Variants in RAB6B observed in about 807,000 individuals in gnomAD.
RAB6B encodes the protein ras-related protein Rab-6B.
RAB6B carries 7 observed loss-of-function variants against 31.2 expected under a neutral mutation model. The observed-to-expected ratio is 0.22, with a 90% confidence interval of 0.13 to 0.42. The LOEUF (loss-of-function observed/expected upper bound fraction) is 0.42. Among genes scored for constraint, RAB6B ranks in the 10% least tolerant of loss-of-function variants. The pLI, the probability that RAB6B is intolerant of heterozygous loss-of-function variation, is 1.00. For synonymous variants in RAB6B, 105 were observed against 104.9 expected (o/e 1.00, Z -0.01); for missense variants, 149 against 280.6 (o/e 0.53, Z 3.35).
At chr3:133,880,996 C>T (rs749133212) in intron 1 of RAB6B, among the ~76,000 whole-genome samples, 2 of 152,234 alleles carry the variant, frequency 1.3e-5, no homozygotes, top group Non-Finnish European at 2.9e-5. Context: ...ACAGGACCAC[C>T]AAGCAGGCCA....
At chr3:133,847,973 C>T (rs1407376956) in intron 2 of RAB6B, among the ~76,000 whole-genome samples, 5 of 152,152 alleles carry the variant, frequency 3.3e-5, no homozygotes, top group East Asian at 3.8e-4. Context: ...ATCTCATTTA[C>T]TCTCGATGCT....
rs547784472 is a variant in RAB6B at position 133,859,391 on chromosome 3, G to T, written c.129+5193C>A. Among the ~76,000 whole-genome samples, 8 of 152,282 alleles carry T rather than the reference G, an allele frequency of 5.3e-5. No homozygotes were observed. In the South Asian group the frequency reaches 1.7e-3, roughly 32 times the overall value. On this transcript the variant is annotated intron_variant, in intron 2 of 7. Coordinates refer to ENST00000285208, the MANE Select transcript of RAB6B (RefSeq NM_016577.4). The stretch of plus-strand genomic sequence containing the variant: ...CAGAATCTTGCCGGAAGTCCTACAG[G>T]TGTCTCTTTTCACGCCCCTTTTCTA...
chr3:133,846,157 C>T (rs1935905722), intron 2 of RAB6B, among the ~76,000 whole-genome samples: 1 of 152,074 alleles, frequency 6.6e-6, no homozygotes, highest in South Asian at 2.1e-4. Context: ...ACATAAATGG[C>T]AATTGGAAGC....
intron 2 of RAB6B, 94 bp downstream of exon 2, chr3:133,864,490 C>A: frequency 1.5e-6 from 2 of 1,291,996 alleles, no homozygotes; most frequent in East Asian, 2.3e-5. Flanking sequence ...GCCTGGGAAC[C>A]CAGGGCCATT....
Position 133,828,809 on chromosome 3 carries a change from G to C in RAB6B, c.606C>G (p.Ser202Arg). The change falls in exon 8 of 8, where the codon AGC (serine) becomes AGG (arginine). Residue 202 changes from serine to arginine, a missense_variant. By Grantham distance (110) the Ser-to-Arg change is moderately radical. Coordinates refer to ENST00000285208, the MANE Select transcript of RAB6B (RefSeq NM_016577.4). Reference protein sequence around the residue: ...KLDKPQEPPASEGGCSC With the variant: ...KLDKPQEPPAREGGCSC Reference sequence around the variant, plus strand: ...TGCATTAGCAGGAGCAGCCGCCCTCGCTGGCCGGGGGCTCCTGGGGTTTGT... The same window carrying C: ...TGCATTAGCAGGAGCAGCCGCCCTCCCTGGCCGGGGGCTCCTGGGGTTTGT... 6.2e-7 allele frequency: 1 copy of C among 1,612,882 alleles called. No individual in the cohort carries two copies. The highest frequency in any genetic ancestry group is 1.7e-4 in the Middle Eastern group (1 of 6,058).
intron 1 of RAB6B, among the ~76,000 whole-genome samples, 160 bp downstream of exon 1, chr3:133,895,237 C>A (rs1936691566): frequency 6.6e-6 from 1 of 152,148 alleles, no homozygotes; most frequent in Non-Finnish European, 1.5e-5. Flanking sequence ...TTGGCCCCTC[C>A]CCAGCCCGAC....
intron 1 of RAB6B, among the ~76,000 whole-genome samples, chr3:133,887,393 AGAG>A (rs1936563535): frequency 6.6e-6 from 1 of 152,122 alleles, no homozygotes; most frequent in African/African-American, 2.4e-5. Flanking sequence ...GCCTCCCAGG[AGAG>A]GAGGTGGTAG....
chr3:133,825,060 G>A lies in RAB6B; in HGVS notation c.*3728C>T, dbSNP rs1935536197. The stretch of plus-strand genomic sequence containing the variant: ...ACATTCTTTGGGGAGAGGCAGTTCG[G>A]AAACGAGTGTGCGCACAATCTGCTC... On this transcript the variant is annotated 3_prime_UTR_variant, in exon 8 of 8. Coordinates refer to ENST00000285208, the MANE Select transcript of RAB6B (RefSeq NM_016577.4). The A allele has an allele frequency of 1.3e-5, 2 of 152,082 alleles. No individual in the cohort carries two copies. Among genetic ancestry groups the A allele is most frequent in the Non-Finnish European group, 1.5e-5 (1 of 68,010 alleles). 9.4% of individuals were successfully genotyped at this position (152,082 alleles called of 1,614,324 possible). A position where few individuals can be genotyped will look rare whatever the true frequency, so the allele number is the denominator to read the frequency against.
intron 4 of RAB6B, 96 bp downstream of exon 4, chr3:133,841,189 C>T (rs913091891): frequency 4.9e-5 from 52 of 1,052,474 alleles, no homozygotes; most frequent in Middle Eastern, 2.0e-4. Flanking sequence ...CACACACATG[C>T]GTGTGCACAC....
In RAB6B at chr3:133,895,672, G is replaced by C. The variant is rs1480481785; in HGVS notation, c.-206C>G. 3.4e-6 allele frequency: 2 copies of C among 593,634 alleles called. No homozygotes were observed. Among genetic ancestry groups the C allele is most frequent in the African/African-American group, 3.8e-5 (2 of 52,140 alleles). 36.8% of individuals were successfully genotyped at this position (593,634 alleles called of 1,614,324 possible). A position where few individuals can be genotyped will look rare whatever the true frequency, so the allele number is the denominator to read the frequency against. On this transcript the variant is annotated 5_prime_UTR_variant, in exon 1 of 8. Coordinates refer to ENST00000285208, the MANE Select transcript of RAB6B (RefSeq NM_016577.4). ...GGCGGAGGAGGAGGAGGAGAGAGAG[G>C]CGGAGGCGGAGGAAGGCTGGGGCTG...
chr3:133,894,714 A>C (rs1233031986), intron 1 of RAB6B: 4 of 152,148 alleles, frequency 2.6e-5, no homozygotes. Context: ...CAGCAAGGAG[A>C]CTAACAAGCG....
intron 2 of RAB6B, among the ~76,000 whole-genome samples, chr3:133,841,990 C>T (rs1236773263): frequency 6.6e-6 from 1 of 152,202 alleles, no homozygotes; most frequent in Non-Finnish European, 1.5e-5. Flanking sequence ...CATATCCTGC[C>T]CTCCCCACCT....
intron 1 of RAB6B, among the ~76,000 whole-genome samples, chr3:133,883,648 A>T (rs994990619): frequency 1.3e-5 from 2 of 152,176 alleles, no homozygotes; most frequent in African/African-American, 4.8e-5. Context: ...TTTACTGAAC[A>T]GGGGAAAGAA....
Position 133,834,489 on chromosome 3 carries a change from C to T in RAB6B, c.562+86G>A, listed in dbSNP as rs1385354182. On this transcript the variant is annotated intron_variant, in intron 7 of 7. Transcript: ENST00000285208. ...CAGGGAAGGCTGGGCGGGGACTGGG[C>T]GAGTGTCTGTCCACTGCACTAACAT... is the stretch of plus-strand genomic sequence containing the variant. The T allele has an allele frequency of 2.0e-5, 28 of 1,417,802 alleles. No homozygotes were observed. The South Asian group carries it at 2.5e-4, about 13-fold the overall frequency. The allele number at this position is 1,417,802 out of a possible 1,614,324, so 87.8% of individuals were successfully genotyped here.
chr3:133,840,022 G>T (rs1458981823), intron 4 of RAB6B, among the ~76,000 whole-genome samples: 1 of 152,096 alleles, frequency 6.6e-6, no homozygotes, highest in African/African-American at 2.4e-5. Context: ...GCGCGACTTG[G>T]CAAGTTTGGG....
chr3:133,842,229 C>G (rs1339025587), intron 2 of RAB6B, among the ~76,000 whole-genome samples: 1 of 152,226 alleles, frequency 6.6e-6, no homozygotes, highest in Non-Finnish European at 1.5e-5. Context: ...CCCACTGGCT[C>G]TTTTCTCCCC....
intron 2 of RAB6B, among the ~76,000 whole-genome samples, chr3:133,855,280 C>T (rs1465078579): frequency 6.6e-6 from 1 of 152,260 alleles, no homozygotes; most frequent in Non-Finnish European, 1.5e-5. Flanking sequence ...GCCAGAAGCG[C>T]AGTAATGCGC....
intron 1 of RAB6B, among the ~76,000 whole-genome samples, chr3:133,886,337 CCTG>C (rs1394559206): frequency 2.0e-5 from 3 of 152,224 alleles, no homozygotes; most frequent in African/African-American, 7.2e-5. Flanking sequence ...AGATTTGTTG[CCTG>C]CTTATTGTGG....
chr3:133,836,112 A>T (rs951138567), intron 6 of RAB6B, among the ~76,000 whole-genome samples: 3 of 152,172 alleles, frequency 2.0e-5, no homozygotes, highest in Non-Finnish European at 4.4e-5. Context: ...GCCCAGCCCC[A>T]GCTGAGCACC....
Sources: allele counts gnomAD v4.1 joint callset (sites outside exome capture counted in the v4.1 genomes callset), GRCh38; gene constraint gnomAD v4.1.1; transcripts MANE v1.5; gene names NCBI Gene and HGNC (gene_info 2026-07-23, HGNC 2026-07-21).